RRAS: variants seen among roughly 807,000 people sequenced by gnomAD.
RRAS encodes the protein RAS related.
A neutral mutation model predicts 23.3 loss-of-function variants in RRAS; 18 were observed. The observed-to-expected ratio is 0.77, with a 90% CI of 0.53 to 1.15. The LOEUF is 1.15. RRAS is among the 50% of genes most tolerant of loss of function. The pLI is 0.00. For missense variants in RRAS, 291 were observed against 317.1 expected (o/e 0.92, Z 0.62); for synonymous variants, 133 against 138.3 (o/e 0.96, Z 0.27).
chr19:49,638,105 C>T lies in RRAS; in HGVS notation c.154-975G>A, dbSNP rs763707933. 9.2e-5 allele frequency among the ~76,000 whole-genome samples: 14 copies of T among 152,304 alleles called. No individual in the cohort carries two copies. In the South Asian group the frequency reaches 1.0e-3, roughly 11 times the overall value. ...CCTCCTCCCCCGTCTCCTCCTCCCCCGTCTCCTTCTCCTGCTCAGGCGGCC... is the reference window on the plus strand; with the variant it reads ...CCTCCTCCCCCGTCTCCTCCTCCCCTGTCTCCTTCTCCTGCTCAGGCGGCC... On this transcript the variant is annotated intron_variant, in intron 1 of 5. Transcript: ENST00000246792.
At position 49,637,121 on chromosome 19, in the gene RRAS, C is replaced by A. The variant is rs368625677; in HGVS notation, c.163G>T (p.Val55Leu). 6.2e-7 allele frequency: 1 copy of A among 1,612,518 alleles called. No individual in the cohort carries two copies. Among genetic ancestry groups the A allele is most frequent in the Non-Finnish European group, 8.5e-7 (1 of 1,179,598 alleles). ...TCAATAGTGGGGTCGTAGTCAGACA[C>A]GAAGTAGGACTGGCGGGGTGGGGAG... is the stretch of plus-strand genomic sequence containing the variant. The part of the protein sequence containing the change: ...LTIQFIQSYF[V>L]SDYDPTIEDS... Residue 55 changes from valine (V) to leucine (L), a missense_variant, in exon 2 of 6, where the codon GTG becomes TTG. Physicochemically the swap from Val to Leu is conservative, Grantham distance 32. Transcript: ENST00000246792.
chr19:49,640,125 T>C lies in RRAS; in HGVS notation c.-27A>G. ...TCGCCACCGCTGCTGCTGCCTTCGC[T>C]ACCGCCTGCGGGGGAGCCGGGCGGG... On this transcript the variant is annotated 5_prime_UTR_variant, in exon 1 of 6. Coordinates refer to ENST00000246792, the MANE Select transcript of RRAS (RefSeq NM_006270.5). 7.3e-7 allele frequency: 1 copy of C among 1,362,566 alleles called. No homozygotes were observed. The highest frequency in any genetic ancestry group is 9.4e-7 in the Non-Finnish European group (1 of 1,067,674). The allele number at this position is 1,362,566 out of a possible 1,614,324, so 84.4% of individuals were successfully genotyped here.
At chr19:49,637,874 G>T (rs535099833) in intron 1 of RRAS, among the ~76,000 whole-genome samples, 11 of 150,096 alleles carry the variant, frequency 7.3e-5, no homozygotes, top group Non-Finnish European at 1.6e-4. Context: ...TCCTAGCTGT[G>T]TGACACTGAA....
At chr19:49,635,993 T>G in intron 4 of RRAS, 141 bp from the exon 5 acceptor site, 1 of 510,644 alleles carries the variant, frequency 2.0e-6, no homozygotes, top group Non-Finnish European at 3.5e-6. Context: ...TGAGAGATTA[T>G]GGAGGGAGAT....
Position 49,639,494 on chromosome 19 carries a change from G to A in RRAS, c.153+452C>T, listed in dbSNP as rs558301574. ...AACGTGGTGGAATCTCAAAGGTGCT[G>A]GGCACTGGCATTCTCCCAGGAAGGC... On this transcript the variant is annotated intron_variant, in intron 1 of 5. Transcript: ENST00000246792. Among the ~76,000 whole-genome samples the A allele has an allele frequency of 4.6e-5, 7 of 151,998 alleles. No homozygotes were observed. The East Asian group carries it at 1.4e-3, about 29-fold the overall frequency.
chr19:49,635,945 A>G lies in RRAS; in HGVS notation c.454-93T>C. Reference sequence around the variant, plus strand: ...ACAGGCAGGCTGGATACTCTAGGAGAGGTGACCCACTGTGAGAACTCAAAG... The same window carrying G: ...ACAGGCAGGCTGGATACTCTAGGAGGGGTGACCCACTGTGAGAACTCAAAG... On this transcript the variant is annotated intron_variant, in intron 4 of 5. Transcript: ENST00000246792. The G allele has an allele frequency of 8.1e-6, 5 of 614,418 alleles. No individual in the cohort carries two copies. In the South Asian group the frequency reaches 8.7e-5, roughly 11 times the overall value. 38.1% of individuals were successfully genotyped at this position (614,418 alleles called of 1,614,324 possible).
chr19:49,637,301 C>CTTTTTTTTTTTTTTT lies in RRAS; in HGVS notation c.154-186_154-172dup, dbSNP rs11400258. Among the ~76,000 whole-genome samples the CTTTTTTTTTTTTTTT allele has an allele frequency of 1.9e-5, 2 of 104,114 alleles. 1 individual carries two copies. The highest frequency in any genetic ancestry group is 3.8e-5 in the Non-Finnish European group (2 of 53,264). The allele number at this position is 104,114 out of a possible 152,430, so 68.3% of individuals were successfully genotyped here. ...CTCTGTCCCGTCTGTCTCTCTGAGTCTTTTTTTTTTTTTTTTTTTTTTGAG... is the reference window on the plus strand; with the variant it reads ...CTCTGTCCCGTCTGTCTCTCTGAGTCTTTTTTTTTTTTTTTTTTTTTTTTTTTTTTTTTTTTTGAG... On this transcript the variant is annotated intron_variant, in intron 1 of 5. Coordinates refer to ENST00000246792, the MANE Select transcript of RRAS (RefSeq NM_006270.5).
chr19:49,639,721 G>A (rs1404308623), intron 1 of RRAS, among the ~76,000 whole-genome samples: 1 of 152,122 alleles, frequency 6.6e-6, no homozygotes, highest in Admixed American at 6.5e-5. Context: ...CACTGGGAGA[G>A]GGAATAGTGG....
chr19:49,638,122 C>T (rs978286688), intron 1 of RRAS, among the ~76,000 whole-genome samples: 1 of 152,152 alleles, frequency 6.6e-6, no homozygotes, highest in African/African-American at 2.4e-5. Context: ...TTCTCCTGCT[C>T]AGGCGGCCTC....
Position 49,636,550 on chromosome 19 carries a change from G to C in RRAS, c.453+69C>G, listed in dbSNP as rs1433541391. On this transcript the variant is annotated intron_variant, in intron 4 of 5. Coordinates refer to ENST00000246792, the MANE Select transcript of RRAS (RefSeq NM_006270.5). This position sits in a 1 kb window ranked among gnomAD's most constrained non-coding sequence, Gnocchi z 4.5. ...GCAGGAACAGAGGAGGATGCTGATGGGGGACAGGTGTGCTGGAAGGAGCCT... is the reference window on the plus strand; with the variant it reads ...GCAGGAACAGAGGAGGATGCTGATGCGGGACAGGTGTGCTGGAAGGAGCCT... The C allele has an allele frequency of 6.5e-6, 7 of 1,077,138 alleles. No individual in the cohort carries two copies. Among genetic ancestry groups the C allele is most frequent in the African/African-American group, 1.5e-5 (1 of 64,550 alleles). The allele number at this position is 1,077,138 out of a possible 1,614,324, so 66.7% of individuals were successfully genotyped here.
chr19:49,635,859 G>GGT lies in RRAS; in HGVS notation c.454-8_454-7insAC. On this transcript the variant is annotated splice_polypyrimidine_tract_variant and splice_region_variant and intron_variant, in intron 4 of 5. Transcript: ENST00000246792. ...AGGCTTCTGATCGGGGGACCTGGGG[G>GGT]TAGGGGGGACACGGGGGAGTCAGGT... 9.4e-6 allele frequency: 10 copies of GGT among 1,066,368 alleles called. No homozygotes were observed. Among genetic ancestry groups the GGT allele is most frequent in the Non-Finnish European group, 1.3e-5 (9 of 716,128 alleles). The allele number at this position is 1,066,368 out of a possible 1,614,324, so 66.1% of individuals were successfully genotyped here.
At position 49,635,858 on chromosome 19, in the gene RRAS, G is replaced by T. The variant is rs1568436933; in HGVS notation, c.454-6C>A. ...GAGGCTTCTGATCGGGGGACCTGGG[G>T]GTAGGGGGGACACGGGGGAGTCAGG... On this transcript the variant is annotated splice_polypyrimidine_tract_variant and splice_region_variant and intron_variant, in intron 4 of 5. Coordinates refer to ENST00000246792, the MANE Select transcript of RRAS (RefSeq NM_006270.5). The T allele has an allele frequency of 2.1e-6, 3 of 1,455,350 alleles. No homozygotes were observed. The highest frequency in any genetic ancestry group is 1.2e-5 in the South Asian group (1 of 85,904). The allele number at this position is 1,455,350 out of a possible 1,614,324, so 90.2% of individuals were successfully genotyped here. A position where few individuals can be genotyped will look rare whatever the true frequency, so the allele number is the denominator to read the frequency against.
At chr19:49,638,327 C>A (rs1046547127) in intron 1 of RRAS, among the ~76,000 whole-genome samples, 22 of 152,148 alleles carry the variant, frequency 1.4e-4, no homozygotes, top group Non-Finnish European at 2.6e-4. Context: ...GGGCTTCCTC[C>A]CAGGCCCTTG....
intron 1 of RRAS, among the ~76,000 whole-genome samples, chr19:49,638,085 T>TC (rs1260945923): frequency 6.6e-6 from 1 of 151,768 alleles, no homozygotes; most frequent in African/African-American, 2.4e-5. Flanking sequence ...CTCTTCCTCC[T>TC]CCCCCGTCTC....
chr19:49,640,116 T>A lies in RRAS; in HGVS notation c.-18A>T. The A allele has an allele frequency of 7.3e-7, 1 of 1,368,696 alleles. No homozygotes were observed. The highest frequency in any genetic ancestry group is 3.0e-5 in the East Asian group (1 of 32,804). The allele number at this position is 1,368,696 out of a possible 1,614,324, so 84.8% of individuals were successfully genotyped here. On this transcript the variant is annotated 5_prime_UTR_variant, in exon 1 of 6. Coordinates refer to ENST00000246792, the MANE Select transcript of RRAS (RefSeq NM_006270.5). ...CTGCTCATGTCGCCACCGCTGCTGC[T>A]GCCTTCGCTACCGCCTGCGGGGGAG...
rs1243695316 is a variant in RRAS at position 49,635,641 on chromosome 19, G to A, written c.592C>T (p.Leu198Phe). ...GGGGCACTGGGAGGGCTCGGTGGGA[G>A]CTCTTGTTCCTGGTATTTCCTGTGG... Reference protein sequence around the residue: ...RAVRKYQEQELPPSPPSAPRK... With the variant: ...RAVRKYQEQEFPPSPPSAPRK... The change falls in exon 6 of 6, where the codon CTC becomes TTC. Residue 198 changes from leucine (L) to phenylalanine (F), a missense_variant. Transcript: ENST00000246792. 1 of 1,456,172 alleles carries A rather than the reference G, an allele frequency of 6.9e-7. No homozygotes were observed. Among genetic ancestry groups the A allele is most frequent in the South Asian group, 1.5e-5 (1 of 68,810 alleles). The allele number at this position is 1,456,172 out of a possible 1,614,324, so 90.2% of individuals were successfully genotyped here. A position where few individuals can be genotyped will look rare whatever the true frequency, so the allele number is the denominator to read the frequency against.
At chr19:49,637,208 C>T (rs1360871788) in intron 1 of RRAS, 78 bp from the exon 2 acceptor site, 11 of 1,016,420 alleles carry the variant, frequency 1.1e-5, no homozygotes, top group African/African-American at 1.6e-5. Flanking sequence ...ATGCCTCTCT[C>T]AGTCTCTGTC....
rs202189880 is a variant in RRAS at position 49,636,916 on chromosome 19, G to A, written c.252C>T (p.Thr84=). 36 of 1,613,180 alleles carry A rather than the reference G, an allele frequency of 2.2e-5. No homozygotes were observed. The highest frequency in any genetic ancestry group is 3.3e-5 in the South Asian group (3 of 91,084). ...TGGCCCCGAACTCTTCCTGGCCCGCGGTGTCCAGGACTGCAGAGACAGGGA... is the reference window on the plus strand; with the variant it reads ...TGGCCCCGAACTCTTCCTGGCCCGCAGTGTCCAGGACTGCAGAGACAGGGA... ...GIPARLDILD[T]AGQEEFGAMR... is the part of the protein sequence containing the mutation. Residue 84 remains threonine (T), a synonymous_variant, in exon 3 of 6, where the codon ACC becomes ACT. Coordinates refer to ENST00000246792, the MANE Select transcript of RRAS (RefSeq NM_006270.5). The surrounding 1 kb of genome is among the most constrained non-coding windows in gnomAD (Gnocchi z 4.5).
At chr19:49,638,360 A>T (rs978293070) in intron 1 of RRAS, among the ~76,000 whole-genome samples, 13 of 151,474 alleles carry the variant, frequency 8.6e-5, no homozygotes, top group Non-Finnish European at 1.5e-4. Flanking sequence ...GGTGGGGGTG[A>T]GGGGGGTGTC....
Sources: allele counts gnomAD v4.1 joint callset (sites outside exome capture counted in the v4.1 genomes callset), GRCh38; gene constraint gnomAD v4.1.1; non-coding constraint Gnocchi (gnomAD v3.1); transcripts MANE v1.5; gene names NCBI Gene and HGNC (gene_info 2026-07-23, HGNC 2026-07-21).